SLC16A6: variants seen among roughly 807,000 people sequenced by gnomAD.
SLC16A6 encodes the protein monocarboxylate transporter 7.
SLC16A6 carries 15 observed loss-of-function variants against 33.8 expected under a neutral mutation model. That is an observed-to-expected ratio of 0.44 (90% CI 0.30 to 0.68). The LOEUF is 0.68. Ranked by LOEUF, SLC16A6 falls within the 30% of genes least tolerant of loss-of-function variation. The pLI is 0.10. For missense variants in SLC16A6, 451 were observed against 661.5 expected, an observed-to-expected ratio of 0.68 and a Z score of 3.49; for synonymous variants, 219 against 248.4, an observed-to-expected ratio of 0.88 and a Z score of 1.11.
At chr17:68,273,149 A>T (rs1398444179) in intron 3 of SLC16A6, among the ~76,000 whole-genome samples, 1 of 152,148 alleles carries the variant, frequency 6.6e-6, no homozygotes, top group Non-Finnish European at 1.5e-5. Flanking sequence ...GCAAATCTTA[A>T]CAACTGTGTG....
intron 1 of SLC16A6, among the ~76,000 whole-genome samples, chr17:68,289,850 G>C (rs1241416851): frequency 1.3e-5 from 2 of 152,130 alleles, no homozygotes; most frequent in African/African-American, 4.8e-5. Context: ...ACACTGGAAG[G>C]AGCTTTTCCA....
intron 1 of SLC16A6, among the ~76,000 whole-genome samples, chr17:68,290,620 C>T (rs1057112359): frequency 6.6e-6 from 1 of 152,256 alleles, no homozygotes; most frequent in African/African-American, 2.4e-5. Context: ...CACTTTCCCT[C>T]GCGCTGCCTC....
chr17:68,278,443 A>ATATTTATT, intron 1 of SLC16A6, 116 bp from the exon 2 acceptor site: 3 of 638,150 alleles, frequency 4.7e-6, no homozygotes, highest in Admixed American at 2.9e-5. Context: ...AAGTTGTTGA[A>ATATTTATT]TATTTATTTA....
chr17:68,280,091 A>C (rs2075643453), intron 1 of SLC16A6, among the ~76,000 whole-genome samples: 2 of 150,520 alleles, frequency 1.3e-5, no homozygotes, highest in South Asian at 4.2e-4. Context: ...CTGAGGCAGG[A>C]GAATTGCTTG....
At chr17:68,283,242 C>T (rs139042407) in intron 1 of SLC16A6, 2,070 of 152,296 alleles carry the variant, frequency 0.014, 24 homozygotes, top group Non-Finnish European at 0.022. Context: ...CAGACTGGGC[C>T]GGGCGCAGTG....
At chr17:68,274,849 C>T (rs994718364) in intron 2 of SLC16A6, among the ~76,000 whole-genome samples, 29 of 149,404 alleles carry the variant, frequency 1.9e-4, no homozygotes, top group African/African-American at 5.7e-4. Flanking sequence ...GGTGTGATCT[C>T]GGCTCACTGC....
chr17:68,281,260 A>G (rs111379002), intron 1 of SLC16A6, among the ~76,000 whole-genome samples: 2,346 of 152,236 alleles, frequency 0.015, 55 homozygotes, highest in African/African-American at 0.053. Context: ...AAACTCCCCA[A>G]CAATCTGGCT....
At position 68,273,908 on chromosome 17, in the gene SLC16A6, G is replaced by T. The variant is rs182189710; in HGVS notation, c.376+19C>A. Reference sequence around the variant, plus strand: ...AACTAAGTGTCTAGACAACTTCTGAGCCAAAGAGGAACACTTACCAGAGAT... The same window carrying T: ...AACTAAGTGTCTAGACAACTTCTGATCCAAAGAGGAACACTTACCAGAGAT... On this transcript the variant is annotated intron_variant, in intron 3 of 5. Transcript: ENST00000580666. 1.2e-6 allele frequency: 2 copies of T among 1,612,214 alleles called. No individual in the cohort carries two copies. Among genetic ancestry groups the T allele is most frequent in the East Asian group, 2.2e-5 (1 of 44,834 alleles).
In SLC16A6 at chr17:68,272,849, T is replaced by C. The variant is rs1331453053; in HGVS notation, c.377-82A>G. On this transcript the variant is annotated intron_variant, in intron 3 of 5. Coordinates refer to ENST00000580666, the MANE Select transcript of SLC16A6 (RefSeq NM_004694.5). Reference sequence around the variant, plus strand: ...GGATGCATTAAAAGATCTGGGATTTTTGGTTTTGCTTTTTGAATCTTAAGT... The same window carrying C: ...GGATGCATTAAAAGATCTGGGATTTCTGGTTTTGCTTTTTGAATCTTAAGT... 1.9e-6 allele frequency: 3 copies of C among 1,565,498 alleles called. No individual in the cohort carries two copies. The East Asian group carries it at 6.8e-5, about 35-fold the overall frequency.
chr17:68,281,886 C>G (rs550377672), intron 1 of SLC16A6, among the ~76,000 whole-genome samples: 1 of 152,294 alleles, frequency 6.6e-6, no homozygotes. Flanking sequence ...TATAGGAACA[C>G]TTTTACACTG....
intron 1 of SLC16A6, among the ~76,000 whole-genome samples, chr17:68,280,306 G>T (rs552400212): frequency 7.3e-5 from 11 of 151,608 alleles, no homozygotes; most frequent in African/African-American, 2.2e-4. Flanking sequence ...AATTTGTATG[G>T]AACCACAAAA....
chr17:68,270,062 T>C (rs1212978570), intron 5 of SLC16A6, among the ~76,000 whole-genome samples: 2 of 152,222 alleles, frequency 1.3e-5, no homozygotes, highest in Admixed American at 6.5e-5. Context: ...AACATACCTA[T>C]GTCCCTCCTA....
rs2075453981 is a variant in SLC16A6, at chr17:68,274,696, T to C, written c.233-626A>G. 1.3e-5 allele frequency: 2 copies of C among 152,204 alleles called. 1 individual carries two copies. The highest frequency in any genetic ancestry group is 4.1e-4 in the South Asian group (2 of 4,832). 9.4% of individuals were successfully genotyped at this position (152,204 alleles called of 1,614,324 possible). ...TCTATAATAAAAATTGGTTTTCCTATGATTGCTTGAATTATTTTTTCTCTA... is the reference window on the plus strand; with the variant it reads ...TCTATAATAAAAATTGGTTTTCCTACGATTGCTTGAATTATTTTTTCTCTA... On this transcript the variant is annotated intron_variant, in intron 2 of 5. Transcript: ENST00000580666.
rs373572305 is a variant in SLC16A6 at position 68,271,494 on chromosome 17, C to T, written c.666G>A (p.Ala222=). The change falls in exon 5 of 6, where the codon GCG becomes GCA. Residue 222 remains alanine (A), a synonymous_variant. Transcript: ENST00000580666. This position sits in a 1 kb window ranked among gnomAD's most constrained non-coding sequence, Gnocchi z 5.3. ...KIVIQENRKE[A]QYMLENEKTR... Reference sequence around the variant, plus strand: ...TTTTCTCATTTTCAAGCATATACTGCGCTTCTTTCCGATTTTCCTGGATGA... The same window carrying T: ...TTTTCTCATTTTCAAGCATATACTGTGCTTCTTTCCGATTTTCCTGGATGA... 8.1e-5 allele frequency: 131 copies of T among 1,614,014 alleles called. No individual in the cohort carries two copies. Among genetic ancestry groups the T allele is most frequent in the Non-Finnish European group, 1.0e-4 (120 of 1,180,036 alleles).
At position 68,271,634 on chromosome 17, in the gene SLC16A6, G is replaced by A. The variant is rs368721903; in HGVS notation, c.526C>T (p.Arg176Cys). The A allele has an allele frequency of 3.8e-5, 61 of 1,612,936 alleles. No individual in the cohort carries two copies. The highest frequency in any genetic ancestry group is 1.6e-4 in the Middle Eastern group (1 of 6,078). ...AGGAGGCTGTATCTCCAGCCAATGC[G>A]CTCCTTCAGAGCCATGATTGCTTGA... ...FAPAIMALKE[R>C]IGWRYSLLFV... Residue 176 changes from arginine to cysteine, a missense_variant, in exon 5 of 6, where the codon CGC (arginine) becomes TGC (cysteine). Transcript: ENST00000580666. This position sits in a 1 kb window ranked among gnomAD's most constrained non-coding sequence, Gnocchi z 5.3.
At chr17:68,287,925 CTCTTCTCT>C (rs1167970949) in intron 1 of SLC16A6, among the ~76,000 whole-genome samples, 2 of 150,968 alleles carry the variant, frequency 1.3e-5, no homozygotes, top group African/African-American at 2.4e-5. Flanking sequence ...TTTTTCTTTT[CTCTTCTCT>C]TCTTCTCTTC....
intron 4 of SLC16A6, among the ~76,000 whole-genome samples, 166 bp downstream of exon 4, chr17:68,272,473 T>G (rs2075373305): frequency 6.6e-6 from 1 of 151,878 alleles, no homozygotes; most frequent in African/African-American, 2.4e-5. Context: ...AAAGTGGGGG[T>G]TAGGGAGGAC....
intron 2 of SLC16A6, 44 bp from the exon 3 acceptor site, chr17:68,274,114 C>G (rs200242857): frequency 6.3e-7 from 1 of 1,595,618 alleles, no homozygotes; most frequent in Non-Finnish European, 8.6e-7. Flanking sequence ...ACAGAGGCTT[C>G]AGGGTTAGCT....
intron 1 of SLC16A6, among the ~76,000 whole-genome samples, chr17:68,279,954 G>A (rs1486459087): frequency 6.6e-6 from 1 of 152,108 alleles, no homozygotes; most frequent in Non-Finnish European, 1.5e-5. Context: ...GGCCAAAGCG[G>A]GTGGATCACC....
Sources: gnomAD v4.1 joint callset for allele counts (sites outside exome capture counted in the v4.1 genomes callset) on GRCh38, gnomAD v4.1.1 for gene constraint, Gnocchi (gnomAD v3.1) non-coding constraint, MANE v1.5 for transcripts, NCBI Gene and HGNC (gene_info 2026-07-23, HGNC 2026-07-21) for gene names.